The following HASPIN variants were observed in gnomAD, a reference collection of about 807,000 sequenced individuals.
HASPIN encodes serine/threonine-protein kinase haspin.
HASPIN carries 24 observed loss-of-function variants against 28.8 expected under a neutral mutation model. The observed-to-expected ratio is 0.83, with a 90% CI of 0.60 to 1.17. HASPIN has a LOEUF of 1.17. Among genes scored for constraint, HASPIN ranks in the 50% most tolerant of loss-of-function variants. HASPIN has a pLI of 0.00. For missense variants in HASPIN, 1,016 were observed against 1,018.5 expected, an observed-to-expected ratio of 1.00 and a Z score of 0.03; for synonymous variants, 440 against 413.1, an observed-to-expected ratio of 1.07 and a Z score of -0.79.
In HASPIN at chr17:3,725,145, A is replaced by G. The variant is rs764632816; in HGVS notation, c.1210A>G (p.Ser404Gly). 6.2e-7 allele frequency: 1 copy of G among 1,614,196 alleles called. No homozygotes were observed. Among genetic ancestry groups the G allele is most frequent in the Non-Finnish European group, 8.5e-7 (1 of 1,180,014 alleles). ...TGTGACTGATGTGTCAGAGGTCTGCAGCATCTATACCACTGCCACTTCTCT... is the reference window on the plus strand; with the variant it reads ...TGTGACTGATGTGTCAGAGGTCTGCGGCATCTATACCACTGCCACTTCTCT... ...KIVTDVSEVC[S>G]IYTTATSLSG... is the part of the protein sequence containing the mutation. Residue 404 changes from serine (S) to glycine (G), a missense_variant, in exon 1 of 1, where the codon AGC becomes GGC. Transcript: ENST00000325418.
At position 3,724,831 on chromosome 17, in the gene HASPIN, C is replaced by G. The variant is rs1334947948; in HGVS notation, c.896C>G (p.Ser299Cys). The G allele has an allele frequency of 6.2e-7, 1 of 1,614,156 alleles. No individual in the cohort carries two copies. The highest frequency in any genetic ancestry group is 1.1e-5 in the South Asian group (1 of 91,086). ...AAGAGGAGGGCCACAGGCCAGGACT[C>G]TTGTCAAGAGAGAGGGCTTCAAGAG... Reference protein sequence around the residue: ...TGKRRATGQDSCQERGLQEAV... With the variant: ...TGKRRATGQDCCQERGLQEAV... Residue 299 changes from serine to cysteine, a missense_variant, in exon 1 of 1, where the codon TCT becomes TGT. By Grantham distance (112) the Ser-to-Cys change is moderately radical. Transcript: ENST00000325418.
rs767071303 is a variant in HASPIN, at chr17:3,724,875, C to G, written c.940C>G (p.Gln314Glu). The G allele has an allele frequency of 6.2e-7, 1 of 1,613,816 alleles. No homozygotes were observed. The highest frequency in any genetic ancestry group is 8.5e-7 in the Non-Finnish European group (1 of 1,180,048). Residue 314 changes from glutamine to glutamate, a missense_variant, in exon 1 of 1, where the codon CAG (glutamine) becomes GAG (glutamate). Gln to Glu is a conservative substitution (Grantham distance 29, BLOSUM62 2). Transcript: ENST00000325418. ...TCAAGAGGCCGTCCGGAGAGAGCAT[C>G]AGGAGGCCAGTGTTCCCAAGGGCCG... ...GLQEAVRREH[Q>E]EASVPKGRIV...
chr17:3,724,273 C>A lies in HASPIN; in HGVS notation c.338C>A (p.Pro113Gln). 6.3e-7 allele frequency: 1 copy of A among 1,590,088 alleles called. No homozygotes were observed. Reference sequence around the variant, plus strand: ...GCTCGCCCAAGCCTAACCGTGACCCCAAGACGCCTGGGGCTGCGAGCTCGG... The same window carrying A: ...GCTCGCCCAAGCCTAACCGTGACCCAAAGACGCCTGGGGCTGCGAGCTCGG... ...LRARPSLTVT[P>Q]RRLGLRARPP... The change falls in exon 1 of 1, where the codon CCA (proline) becomes CAA (glutamine). Residue 113 changes from proline to glutamine, a missense_variant. Pro to Gln is a moderately conservative substitution (Grantham distance 76). Transcript: ENST00000325418.
chr17:3,726,480 G>T lies in HASPIN; in HGVS notation c.*148G>T. On this transcript the variant is annotated 3_prime_UTR_variant, in exon 1 of 1. Transcript: ENST00000325418. Reference sequence around the variant, plus strand: ...TCAAACAAGAATTTTGTTTCCAAATGGAAACTGAAATATTTGTTGAAATGT... The same window carrying T: ...TCAAACAAGAATTTTGTTTCCAAATTGAAACTGAAATATTTGTTGAAATGT... 1.6e-6 allele frequency: 1 copy of T among 619,812 alleles called. No individual in the cohort carries two copies. The highest frequency in any genetic ancestry group is 2.9e-6 in the Non-Finnish European group (1 of 344,370). The allele number at this position is 619,812 out of a possible 1,614,324, so 38.4% of individuals were successfully genotyped here. A position where few individuals can be genotyped will look rare whatever the true frequency, so the allele number is the denominator to read the frequency against.
Position 3,725,955 on chromosome 17 carries a change from A to G in HASPIN, c.2020A>G (p.Ser674Gly). 1 of 1,613,864 alleles carries G rather than the reference A, an allele frequency of 6.2e-7. No individual in the cohort carries two copies. The highest frequency in any genetic ancestry group is 8.5e-7 in the Non-Finnish European group (1 of 1,180,020). The change falls in exon 1 of 1, where the codon AGC becomes GGC. Residue 674 changes from serine (S) to glycine (G), a missense_variant. Transcript: ENST00000325418. The stretch of plus-strand genomic sequence containing the variant: ...CCACTACACCCTCAATGGGAAGAGC[A>G]GCACTATCCCCAGCTGTGGGTTGCA... Reference protein sequence around the residue: ...KLHYTLNGKSSTIPSCGLQVS... With the variant: ...KLHYTLNGKSGTIPSCGLQVS...
Position 3,724,945 on chromosome 17 carries a change from G to C in HASPIN, c.1010G>C (p.Ser337Thr), listed in dbSNP as rs140396274. ...GACAGGCTGGAGAGAACTAGATCAA[G>C]CCGGAAGAGCAAACATCAGGAGGCA... ...GIDRLERTRS[S>T]RKSKHQEATE... The change falls in exon 1 of 1, where the codon AGC becomes ACC. Residue 337 changes from serine (S) to threonine (T), a missense_variant. This residue lies in a region of HASPIN where 881 missense variants were observed against 845.5 expected (regional missense o/e 1.04). Coordinates refer to ENST00000325418, the MANE Select transcript of HASPIN (RefSeq NM_031965.2). 911 of 1,613,796 alleles carry C rather than the reference G, an allele frequency of 5.6e-4. 6 individuals carry two copies. The African/African-American group carries it at 0.011, about 19-fold the overall frequency.
In HASPIN at chr17:3,726,132, TG is replaced by T. The variant is rs1171247078; in HGVS notation, c.2201del (p.Gly734ValfsTer15). The T allele has an allele frequency of 3.1e-6, 5 of 1,614,074 alleles. No homozygotes were observed. Among genetic ancestry groups the T allele is most frequent in the Non-Finnish European group, 4.2e-6 (5 of 1,180,032 alleles). ...RLMKKENNNR[W>X]GEYHPYSNVL... is the part of the protein sequence containing the mutation. Reference sequence around the variant, plus strand: ...CATGAAGAAGGAGAATAACAACCGCTGGGGTGAATATCACCCTTATAGTAAT... The same window carrying T: ...CATGAAGAAGGAGAATAACAACCGCTGGGTGAATATCACCCTTATAGTAAT... On this transcript the variant is annotated frameshift_variant, in exon 1 of 1. Coordinates refer to ENST00000325418, the MANE Select transcript of HASPIN (RefSeq NM_031965.2). LOFTEE classifies it high-confidence loss of function.
In HASPIN at chr17:3,726,658, G is replaced by T; in HGVS notation, c.*326G>T. 1 of 236,866 alleles carries T rather than the reference G, an allele frequency of 4.2e-6. No individual in the cohort carries two copies. Among genetic ancestry groups the T allele is most frequent in the Non-Finnish European group, 8.0e-6 (1 of 124,884 alleles). 14.7% of individuals were successfully genotyped at this position (236,866 alleles called of 1,614,324 possible). A position where few individuals can be genotyped will look rare whatever the true frequency, so the allele number is the denominator to read the frequency against. ...GCCTGGTCAACATAGCAAGACCCCT[G>T]TCTCTATTTTTTTAAATAAATAAAC... On this transcript the variant is annotated 3_prime_UTR_variant, in exon 1 of 1. Transcript: ENST00000325418.
At position 3,725,491 on chromosome 17, in the gene HASPIN, A is replaced by G. The variant is rs2051189487; in HGVS notation, c.1556A>G (p.Asp519Gly). ...AIKIIAIEGPDLVNGSHQKTF... is the reference protein window; with the variant it reads ...AIKIIAIEGPGLVNGSHQKTF... ...AAAATCATTGCTATTGAAGGACCAG[A>G]TTTAGTCAATGGATCCCATCAGAAA... Residue 519 changes from aspartate (D) to glycine (G), a missense_variant, in exon 1 of 1, where the codon GAT (aspartate) becomes GGT (glycine). This residue lies in a region of HASPIN where 881 missense variants were observed against 845.5 expected (regional missense o/e 1.04). Transcript: ENST00000325418. 6.2e-7 allele frequency: 1 copy of G among 1,614,088 alleles called. No homozygotes were observed. The highest frequency in any genetic ancestry group is 1.3e-5 in the African/African-American group (1 of 74,942).
Position 3,726,148 on chromosome 17 carries a change from C to A in HASPIN, c.2213C>A (p.Pro738His). ...ENNNRWGEYHPYSNVLWLHYL... is the reference protein window; with the variant it reads ...ENNNRWGEYHHYSNVLWLHYL... Reference sequence around the variant, plus strand: ...AACAACCGCTGGGGTGAATATCACCCTTATAGTAATGTGCTCTGGTTACAT... The same window carrying A: ...AACAACCGCTGGGGTGAATATCACCATTATAGTAATGTGCTCTGGTTACAT... The change falls in exon 1 of 1, where the codon CCT (proline) becomes CAT (histidine). Residue 738 changes from proline (P) to histidine (H), a missense_variant. Physicochemically the swap from Pro to His is moderately conservative, Grantham distance 77. Transcript: ENST00000325418. The A allele has an allele frequency of 6.2e-7, 1 of 1,614,154 alleles. No individual in the cohort carries two copies. Among genetic ancestry groups the A allele is most frequent in the East Asian group, 2.2e-5 (1 of 44,892 alleles).
At position 3,725,017 on chromosome 17, in the gene HASPIN, A is replaced by G. The variant is rs1567512651; in HGVS notation, c.1082A>G (p.Lys361Arg). 6.2e-7 allele frequency: 1 copy of G among 1,614,094 alleles called. No homozygotes were observed. The highest frequency in any genetic ancestry group is 2.2e-5 in the East Asian group (1 of 44,898). The change falls in exon 1 of 1, where the codon AAG becomes AGG. Residue 361 changes from lysine (K) to arginine (R), a missense_variant. Lys to Arg is a conservative substitution (Grantham distance 26, BLOSUM62 2). Coordinates refer to ENST00000325418, the MANE Select transcript of HASPIN (RefSeq NM_031965.2). Reference protein sequence around the residue: ...LHSHRFKKGQKLGKDSFPTQD... With the variant: ...LHSHRFKKGQRLGKDSFPTQD... ...TCCCACCGCTTTAAAAAGGGCCAAA[A>G]GCTGGGAAAAGATTCGTTCCCCACC...
chr17:3,725,473 T>C lies in HASPIN; in HGVS notation c.1538T>C (p.Ile513Thr), dbSNP rs751063952. Residue 513 changes from isoleucine to threonine, a missense_variant, in exon 1 of 1, where the codon ATT becomes ACT. By Grantham distance (89) the Ile-to-Thr change is moderately conservative. This residue lies in a region of HASPIN where 881 missense variants were observed against 845.5 expected (regional missense o/e 1.04). Coordinates refer to ENST00000325418, the MANE Select transcript of HASPIN (RefSeq NM_031965.2). ...ADHTPVAIKIIAIEGPDLVNG... is the reference protein window; with the variant it reads ...ADHTPVAIKITAIEGPDLVNG... ...CACACACCCGTAGCCATAAAAATCA[T>C]TGCTATTGAAGGACCAGATTTAGTC... is the stretch of plus-strand genomic sequence containing the variant. 1.1e-5 allele frequency: 17 copies of C among 1,614,166 alleles called. No individual in the cohort carries two copies. In the Middle Eastern group the frequency reaches 4.9e-4, roughly 47 times the overall value.
rs1567512951 is a variant in HASPIN, at chr17:3,725,283, CT to C, written c.1349del (p.Leu450GlnfsTer59). ...GTATTTGCTAAGCCCCTTAAACACTCTAAGTATTTCAAACAAAAAGGCATCT... is the reference window on the plus strand; with the variant it reads ...GTATTTGCTAAGCCCCTTAAACACTCAAGTATTTCAAACAAAAAGGCATCT... Reference protein sequence around the residue: ...SMYLLSPLNTLSISNKKASDA... With the variant: ...SMYLLSPLNTXSISNKKASDA... On this transcript the variant is annotated frameshift_variant, in exon 1 of 1. Coordinates refer to ENST00000325418, the MANE Select transcript of HASPIN (RefSeq NM_031965.2). LOFTEE classifies it high-confidence loss of function. The C allele has an allele frequency of 6.2e-7, 1 of 1,614,208 alleles. No homozygotes were observed. Among genetic ancestry groups the C allele is most frequent in the South Asian group, 1.1e-5 (1 of 91,086 alleles).
In HASPIN at chr17:3,726,615, C is replaced by T; in HGVS notation, c.*283C>T. The T allele has an allele frequency of 2.5e-6, 1 of 394,186 alleles. No individual in the cohort carries two copies. Among genetic ancestry groups the T allele is most frequent in the African/African-American group, 2.0e-5 (1 of 49,486 alleles). The allele number at this position is 394,186 out of a possible 1,614,324, so 24.4% of individuals were successfully genotyped here. On this transcript the variant is annotated 3_prime_UTR_variant, in exon 1 of 1. Coordinates refer to ENST00000325418, the MANE Select transcript of HASPIN (RefSeq NM_031965.2). ...GGCTGAGGCAGGAGGATCGCTTGAG[C>T]CCAAGAGTTCATATCTAGCCTGGTC...
chr17:3,724,361 C>G lies in HASPIN; in HGVS notation c.426C>G (p.Asp142Glu). 1 of 1,602,162 alleles carries G rather than the reference C, an allele frequency of 6.2e-7. No homozygotes were observed. Among genetic ancestry groups the G allele is most frequent in the Non-Finnish European group, 8.5e-7 (1 of 1,177,000 alleles). ...GACTTCCGCCCTTCCCCAGCCGCGACTCCGGCCGCCTCAGCCCGGACCTCA... is the reference window on the plus strand; with the variant it reads ...GACTTCCGCCCTTCCCCAGCCGCGAGTCCGGCCGCCTCAGCCCGGACCTCA... Reference protein sequence around the residue: ...PLRLPPFPSRDSGRLSPDLSV... With the variant: ...PLRLPPFPSRESGRLSPDLSV... Residue 142 changes from aspartate (D) to glutamate (E), a missense_variant, in exon 1 of 1, where the codon GAC becomes GAG. This residue lies in a region of HASPIN where 881 missense variants were observed against 845.5 expected (regional missense o/e 1.04). Transcript: ENST00000325418.
Position 3,725,968 on chromosome 17 carries a change from G to C in HASPIN, c.2033G>C (p.Ser678Thr). The change falls in exon 1 of 1, where the codon AGC becomes ACC. Residue 678 changes from serine (S) to threonine (T), a missense_variant. Ser to Thr is a moderately conservative substitution (Grantham distance 58). Around this residue, in one of 3 missense-constraint regions of HASPIN, gnomAD observed 129 missense variants for 156.2 expected, o/e 0.83. Coordinates refer to ENST00000325418, the MANE Select transcript of HASPIN (RefSeq NM_031965.2). ...TLNGKSSTIP[S>T]CGLQVSIIDY... Reference sequence around the variant, plus strand: ...AATGGGAAGAGCAGCACTATCCCCAGCTGTGGGTTGCAAGTGAGCATCATT... The same window carrying C: ...AATGGGAAGAGCAGCACTATCCCCACCTGTGGGTTGCAAGTGAGCATCATT... 1.2e-6 allele frequency: 2 copies of C among 1,613,750 alleles called. No individual in the cohort carries two copies. Among genetic ancestry groups the C allele is most frequent in the Non-Finnish European group, 8.5e-7 (1 of 1,180,010 alleles).
At position 3,725,843 on chromosome 17, in the gene HASPIN, C is replaced by T. The variant is rs564044769; in HGVS notation, c.1908C>T (p.Leu636=). The change falls in exon 1 of 1, where the codon CTC becomes CTT. Residue 636 remains leucine (L), a synonymous_variant. Transcript: ENST00000325418. ...TTCTACACCAGCTCACAGCCTCCCT[C>T]GCAGTGGCAGAGGCATCACTGCGCT... The part of the protein sequence containing the change: ...KSILHQLTAS[L]AVAEASLRFE... 2 of 1,611,906 alleles carry T rather than the reference C, an allele frequency of 1.2e-6. No homozygotes were observed. The highest frequency in any genetic ancestry group is 1.7e-5 in the Admixed American group (1 of 60,002).
Position 3,724,780 on chromosome 17 carries a change from A to G in HASPIN, c.845A>G (p.Glu282Gly), listed in dbSNP as rs1436027868. ...AAACTGGTGGTGGGAAATGGACCAG[A>G]GGGTCCAGGTCTGTCAAGCACAGGC... ...KRKLVVGNGP[E>G]GPGLSSTGKR... Residue 282 changes from glutamate to glycine, a missense_variant, in exon 1 of 1, where the codon GAG becomes GGG. Physicochemically the swap from Glu to Gly is moderately conservative, Grantham distance 98 (BLOSUM62 -2). This residue lies in a region of HASPIN where 881 missense variants were observed against 845.5 expected (regional missense o/e 1.04). Coordinates refer to ENST00000325418, the MANE Select transcript of HASPIN (RefSeq NM_031965.2). 1 of 1,613,930 alleles carries G rather than the reference A, an allele frequency of 6.2e-7. No homozygotes were observed. The highest frequency in any genetic ancestry group is 2.2e-5 in the East Asian group (1 of 44,900).
chr17:3,724,711 T>C lies in HASPIN; in HGVS notation c.776T>C (p.Phe259Ser), dbSNP rs2051164602. 6.2e-7 allele frequency: 1 copy of C among 1,614,150 alleles called. No individual in the cohort carries two copies. Among genetic ancestry groups the C allele is most frequent in the Non-Finnish European group, 8.5e-7 (1 of 1,180,028 alleles). ...TCAGGAACCCCTGAGGATTCTGAGT[T>C]TCGGGCAGATGGGAAGAATATGAGA... ...MNSGTPEDSE[F>S]RADGKNMRES... Residue 259 changes from phenylalanine to serine, a missense_variant, in exon 1 of 1, where the codon TTT (phenylalanine) becomes TCT (serine). By Grantham distance (155) the Phe-to-Ser change is radical. Coordinates refer to ENST00000325418, the MANE Select transcript of HASPIN (RefSeq NM_031965.2).
Sources: allele counts gnomAD v4.1 joint callset, GRCh38; gene constraint gnomAD v4.1.1; regional missense constraint gnomAD v4.1.1; transcripts MANE v1.5; gene names NCBI Gene and HGNC (gene_info 2026-07-23, HGNC 2026-07-21).